GAS7: variants seen among roughly 807,000 people sequenced by gnomAD.
The protein encoded by GAS7 is growth arrest-specific protein 7.
A neutral mutation model predicts 71.1 loss-of-function variants in GAS7; 28 were observed. The ratio of observed to expected loss-of-function variants is 0.39; its 90% CI spans 0.29 to 0.54. The LOEUF is 0.54. Among genes scored for constraint, GAS7 ranks in the 20% least tolerant of loss-of-function variants. The probability of loss-of-function intolerance (pLI) is 0.62; values close to 1 mark genes in which losing one functional copy is unlikely to be tolerated. For missense variants in GAS7, 436 were observed against 627.8 expected, an observed-to-expected ratio of 0.69 and a Z score of 3.27; for synonymous variants, 258 against 245.8, an observed-to-expected ratio of 1.05 and a Z score of -0.46.
chr17:9,958,973 C>T (rs1481768325), intron 5 of GAS7: 1 of 1,410,396 alleles, frequency 7.1e-7, no homozygotes, highest in East Asian at 2.6e-5. Context: ...CCCAGCCATC[C>T]TCCTTCCACT....
intron 1 of GAS7, among the ~76,000 whole-genome samples, chr17:10,143,682 C>T (rs1418801483): frequency 6.6e-6 from 1 of 152,046 alleles, no homozygotes; most frequent in East Asian, 1.9e-4. Context: ...AGAGGGAGGA[C>T]CACGTGAGGA....
chr17:9,924,774 G>A (rs1233143306), intron 11 of GAS7: 4 of 151,920 alleles, frequency 2.6e-5, no homozygotes, highest in African/African-American at 9.7e-5. Flanking sequence ...CTAATACTAC[G>A]GCACACATTC....
intron 2 of GAS7, among the ~76,000 whole-genome samples, chr17:10,011,779 C>G (rs893947215): frequency 6.6e-6 from 1 of 152,070 alleles, no homozygotes; most frequent in Non-Finnish European, 1.5e-5. Context: ...AAGTTCGAGA[C>G]CAGCCTGACC....
intron 1 of GAS7, among the ~76,000 whole-genome samples, chr17:10,046,785 A>AAAGAAAGGAAGG (rs2072968986): frequency 8.7e-5 from 6 of 68,806 alleles, no homozygotes; most frequent in South Asian, 1.1e-3. Flanking sequence ...AGAAAGAAAG[A>AAAGAAAGGAAGG]AAGGAAGGAA....
Position 9,959,484 on chromosome 17 carries a change from T to C in GAS7, c.472-229A>G. ...AATTAAGGAAGCCTCCTGCACAGGCTCTGAGAGAACTGCTCCAAACCAGGT... is the reference window on the plus strand; with the variant it reads ...AATTAAGGAAGCCTCCTGCACAGGCCCTGAGAGAACTGCTCCAAACCAGGT... On this transcript the variant is annotated intron_variant, in intron 4 of 13. Coordinates refer to ENST00000432992, the MANE Select transcript of GAS7 (RefSeq NM_201433.2). This position sits in a 1 kb window ranked among gnomAD's most constrained non-coding sequence, Gnocchi z 5.0. 4 of 1,400,532 alleles carry C rather than the reference T, an allele frequency of 2.9e-6. No homozygotes were observed. Among genetic ancestry groups the C allele is most frequent in the Non-Finnish European group, 3.7e-6 (4 of 1,078,850 alleles). The allele number at this position is 1,400,532 out of a possible 1,614,324, so 86.8% of individuals were successfully genotyped here.
At position 9,910,917 on chromosome 17, in the gene GAS7, C is replaced by T; in HGVS notation, c.*6311G>A. 4.3e-6 allele frequency: 1 copy of T among 231,132 alleles called. No homozygotes were observed. The highest frequency in any genetic ancestry group is 6.2e-5 in the East Asian group (1 of 16,240). 14.3% of individuals were successfully genotyped at this position (231,132 alleles called of 1,614,324 possible). ...AGGAGTGCTGGCGGGAGACACGGCT[C>T]TTTAACATGAAAAATGTATAAAGTA... On this transcript the variant is annotated 3_prime_UTR_variant, in exon 14 of 14. Transcript: ENST00000432992.
chr17:9,929,191 T>G lies in GAS7; in HGVS notation c.886-2422A>C, dbSNP rs556351050. ...GGGAGAGTTAGCTCAGCCTGCTGAC[T>G]CAGAAACTCCGGGGTCTCTAAGGAC... is the stretch of plus-strand genomic sequence containing the variant. On this transcript the variant is annotated intron_variant, in intron 9 of 13. Transcript: ENST00000432992. Among the ~76,000 whole-genome samples the G allele has an allele frequency of 3.3e-5, 5 of 152,276 alleles. No homozygotes were observed. The South Asian group carries it at 1.0e-3, about 32-fold the overall frequency.
intron 4 of GAS7, among the ~76,000 whole-genome samples, chr17:9,967,371 G>A (rs977367054): frequency 3.3e-5 from 5 of 152,000 alleles, no homozygotes; most frequent in Non-Finnish European, 5.9e-5. Flanking sequence ...CATGCCTTGC[G>A]AGATACTCAG....
chr17:10,188,169 G>T (rs1326939472), intron 1 of GAS7, among the ~76,000 whole-genome samples: 1 of 152,048 alleles, frequency 6.6e-6, no homozygotes, highest in Non-Finnish European at 1.5e-5. Flanking sequence ...CTTGCACCCA[G>T]GAGACAGAGG....
intron 4 of GAS7, among the ~76,000 whole-genome samples, chr17:9,960,821 A>G (rs2152113916): frequency 6.6e-6 from 1 of 152,366 alleles, no homozygotes; most frequent in South Asian, 2.1e-4. Flanking sequence ...TAAGGTGTCT[A>G]GCAAAAATGA....
At chr17:10,081,731 T>G (rs2073459337) in intron 1 of GAS7, among the ~76,000 whole-genome samples, 1 of 152,180 alleles carries the variant, frequency 6.6e-6, no homozygotes, top group Non-Finnish European at 1.5e-5. Flanking sequence ...CAAGGTGTGG[T>G]ATTTCACACC....
chr17:10,122,990 C>T (rs1327342508), intron 1 of GAS7, among the ~76,000 whole-genome samples: 1 of 152,112 alleles, frequency 6.6e-6, no homozygotes, highest in African/African-American at 2.4e-5. Flanking sequence ...CACCACCACG[C>T]CTGGCTGATT....
Position 10,095,801 on chromosome 17 carries a change from CA to C in GAS7, c.184-75905del, listed in dbSNP as rs58811317. On this transcript the variant is annotated intron_variant, in intron 1 of 13. Transcript: ENST00000432992. ...CTGGTGACAGAGCGAGACTCCATCTCAAAAAAAAAAAAAAAAATAAGGTTCT... is the reference window on the plus strand; with the variant it reads ...CTGGTGACAGAGCGAGACTCCATCTCAAAAAAAAAAAAAAAATAAGGTTCT... Among the ~76,000 whole-genome samples, 1,092 of 110,060 alleles carry C rather than the reference CA, an allele frequency of 9.9e-3. 4 individuals carry two copies. The highest frequency in any genetic ancestry group is 0.013 in the African/African-American group (402 of 29,826). The allele number at this position is 110,060 out of a possible 152,430, so 72.2% of individuals were successfully genotyped here. A position where few individuals can be genotyped will look rare whatever the true frequency, so the allele number is the denominator to read the frequency against.
chr17:10,125,082 G>A (rs1291257997), intron 1 of GAS7, among the ~76,000 whole-genome samples: 4 of 150,752 alleles, frequency 2.7e-5, no homozygotes, highest in African/African-American at 9.7e-5. Context: ...AAAAAAAAAG[G>A]GGGGGTGTGG....
chr17:9,918,394 A>AT (rs1189974458), intron 12 of GAS7, among the ~76,000 whole-genome samples: 4 of 152,162 alleles, frequency 2.6e-5, no homozygotes, highest in African/African-American at 9.7e-5. Context: ...TATTATCCCC[A>AT]TTCTCCAAGC....
At chr17:9,970,921 T>C (rs2069935153) in intron 3 of GAS7, among the ~76,000 whole-genome samples, 1 of 152,204 alleles carries the variant, frequency 6.6e-6, no homozygotes, top group African/African-American at 2.4e-5. Context: ...GGTACCGCTC[T>C]TGTAGAAATA....
At chr17:10,112,102 G>C (rs2073819200) in intron 1 of GAS7, among the ~76,000 whole-genome samples, 1 of 152,210 alleles carries the variant, frequency 6.6e-6, no homozygotes, top group Non-Finnish European at 1.5e-5. Context: ...ACTGGGCTGT[G>C]CTGCCTGAGG....
chr17:10,036,595 T>G lies in GAS7; in HGVS notation c.184-16698A>C, dbSNP rs1418075392. On this transcript the variant is annotated intron_variant, in intron 1 of 13. Transcript: ENST00000432992. ...AGGCAAGTCGCTAGCCCAGGGCCAG[T>G]GTTCTGGGCACCCCAGCGGAGGTTC... 15 of 1,483,438 alleles carry G rather than the reference T, an allele frequency of 1.0e-5. No homozygotes were observed. The South Asian group carries it at 1.2e-4, about 12-fold the overall frequency. 91.9% of individuals were successfully genotyped at this position (1,483,438 alleles called of 1,614,324 possible).
chr17:10,116,219 GAGA>G (rs2142071822), intron 1 of GAS7, among the ~76,000 whole-genome samples: 1 of 152,112 alleles, frequency 6.6e-6, no homozygotes, highest in South Asian at 2.1e-4. Context: ...GCTGAGGCAG[GAGA>G]AGAATTGCTT....
Sources: gnomAD v4.1 joint callset for allele counts (sites outside exome capture counted in the v4.1 genomes callset) on GRCh38, gnomAD v4.1.1 for gene constraint, Gnocchi (gnomAD v3.1) non-coding constraint, MANE v1.5 for transcripts, NCBI Gene and HGNC (gene_info 2026-07-23, HGNC 2026-07-21) for gene names.